PDCD10: variants seen among roughly 807,000 people sequenced by gnomAD.
The protein encoded by PDCD10 is programmed cell death protein 10.
A neutral mutation model predicts 29.2 loss-of-function variants in PDCD10; 4 were observed. That is an observed-to-expected ratio of 0.14 (90% CI 0.07 to 0.31). PDCD10 has a LOEUF of 0.31. Among genes scored for constraint, PDCD10 ranks in the 10% least tolerant of loss-of-function variants. The pLI is 1.00. For missense variants in PDCD10, 183 were observed against 257.9 expected (o/e 0.71, Z 1.99); for synonymous variants, 70 against 82.2 (o/e 0.85, Z 0.80).
chr3:167,690,764 T>C (rs1376189657), intron 6 of PDCD10, among the ~76,000 whole-genome samples: 1 of 152,236 alleles, frequency 6.6e-6, no homozygotes, highest in Non-Finnish European at 1.5e-5. Context: ...TGCTAGGTTC[T>C]GTGCTAGGCA....
rs1239547689 is a variant in PDCD10 at position 167,695,682 on chromosome 3, T to C, written c.309A>G (p.Leu103=). The C allele has an allele frequency of 1.9e-6, 3 of 1,613,544 alleles. No individual in the cohort carries two copies. In the African/African-American group the frequency reaches 4.0e-5, roughly 22 times the overall value. Residue 103 remains leucine (L), a synonymous_variant, in exon 6 of 9, where the codon CTA becomes CTG. Transcript: ENST00000392750. ...IERPEPEFQD[L]NEKARALKQI... Reference sequence around the variant, plus strand: ...GTTTAAGTGCTCGTGCCTTTTCGTTTAGGTCTTGGAATTCTGGCTCTGGTC... The same window carrying C: ...GTTTAAGTGCTCGTGCCTTTTCGTTCAGGTCTTGGAATTCTGGCTCTGGTC...
At chr3:167,726,263 C>T (rs35582977) in intron 2 of PDCD10, among the ~76,000 whole-genome samples, 503 of 151,742 alleles carry the variant, frequency 3.3e-3, no homozygotes, top group South Asian at 6.3e-3. Flanking sequence ...CCACGCCTGG[C>T]TATTTTGTAT....
chr3:167,688,309 C>G (rs1054870069), intron 6 of PDCD10, among the ~76,000 whole-genome samples: 1 of 152,160 alleles, frequency 6.6e-6, no homozygotes, highest in Admixed American at 6.5e-5. Context: ...CAAATATCCT[C>G]CTCTTTCAAA....
chr3:167,689,105 G>C (rs926964714), intron 6 of PDCD10, among the ~76,000 whole-genome samples: 4 of 152,116 alleles, frequency 2.6e-5, no homozygotes, highest in Non-Finnish European at 4.4e-5. Context: ...TATTCAAGTA[G>C]GACAGTAAGT....
chr3:167,703,056 G>A (rs1353611787), intron 4 of PDCD10, among the ~76,000 whole-genome samples: 1 of 152,114 alleles, frequency 6.6e-6, no homozygotes, highest in Non-Finnish European at 1.5e-5. Flanking sequence ...TTTTATGAAT[G>A]TCATTGAAGA....
chr3:167,684,979 G>C (rs1252760024), intron 8 of PDCD10, among the ~76,000 whole-genome samples: 1 of 150,686 alleles, frequency 6.6e-6, no homozygotes, highest in Non-Finnish European at 1.5e-5. Flanking sequence ...AACTGGCTTT[G>C]AGCCCCACCA....
chr3:167,731,534 G>T (rs191138343), intron 2 of PDCD10, among the ~76,000 whole-genome samples: 2 of 152,100 alleles, frequency 1.3e-5, no homozygotes, highest in Admixed American at 1.3e-4. Flanking sequence ...AAGCATATCC[G>T]CTTTATTCAT....
At chr3:167,697,925 T>C (rs1008130132) in intron 4 of PDCD10, 1 of 456,698 alleles carries the variant, frequency 2.2e-6, no homozygotes, top group East Asian at 6.9e-5. Flanking sequence ...TTGTTTCCTG[T>C]AGGATGCCTG....
At chr3:167,710,235 T>G (rs935172006) in intron 3 of PDCD10, among the ~76,000 whole-genome samples, 2 of 151,754 alleles carry the variant, frequency 1.3e-5, no homozygotes, top group East Asian at 1.9e-4. Flanking sequence ...TTGTCTTACA[T>G]CTTAGGTACC....
At chr3:167,709,824 C>T (rs1298882804) in intron 3 of PDCD10, among the ~76,000 whole-genome samples, 2 of 152,058 alleles carry the variant, frequency 1.3e-5, no homozygotes, top group South Asian at 4.1e-4. Flanking sequence ...GAGACTCCTT[C>T]CTTCTGCTTC....
Position 167,687,713 on chromosome 3 carries a change from G to C in PDCD10, c.396-20C>G. 7.8e-7 allele frequency: 1 copy of C among 1,285,460 alleles called. No homozygotes were observed. The highest frequency in any genetic ancestry group is 1.1e-6 in the Non-Finnish European group (1 of 880,994). The allele number at this position is 1,285,460 out of a possible 1,614,324, so 79.6% of individuals were successfully genotyped here. ...ATATCCCTGTTGGGAAAAGAATAAAGAATATCAGCTACATTTGAAAGAAAT... is the reference window on the plus strand; with the variant it reads ...ATATCCCTGTTGGGAAAAGAATAAACAATATCAGCTACATTTGAAAGAAAT... On this transcript the variant is annotated intron_variant, in intron 6 of 8. Transcript: ENST00000392750.
intron 4 of PDCD10, among the ~76,000 whole-genome samples, chr3:167,699,242 G>C (rs965510948): frequency 1.3e-5 from 2 of 152,078 alleles, no homozygotes; most frequent in African/African-American, 4.8e-5. Context: ...TGGCCAAAAA[G>C]TCCAGCTTCT....
At chr3:167,732,870 C>T (rs1481277141) in intron 2 of PDCD10, among the ~76,000 whole-genome samples, 1 of 152,206 alleles carries the variant, frequency 6.6e-6, no homozygotes, top group Non-Finnish European at 1.5e-5. Context: ...CTACTTACAT[C>T]ACTGCACCTT....
At chr3:167,697,257 GC>G (rs1720911242) in intron 4 of PDCD10, 131 bp from the exon 5 acceptor site, 1 of 644,068 alleles carries the variant, frequency 1.6e-6, no homozygotes, top group Non-Finnish European at 2.8e-6. Context: ...TCTTTGTAAA[GC>G]AGGTGTCATG....
In PDCD10 at chr3:167,734,232, G is replaced by A. The variant is rs1312596361; in HGVS notation, c.-135C>T. ...AACATACCTTAGGTATGACACCTAA[G>A]AGGGTCAAGTCTTTCTGTTTAAGGC... On this transcript the variant is annotated 5_prime_UTR_variant, in exon 2 of 9. Coordinates refer to ENST00000392750, the MANE Select transcript of PDCD10 (RefSeq NM_007217.4). 6.6e-6 allele frequency: 1 copy of A among 152,192 alleles called. No individual in the cohort carries two copies. The highest frequency in any genetic ancestry group is 1.5e-5 in the Non-Finnish European group (1 of 68,050). The allele number at this position is 152,192 out of a possible 1,614,324, so 9.4% of individuals were successfully genotyped here. A position where few individuals can be genotyped will look rare whatever the true frequency, so the allele number is the denominator to read the frequency against.
At chr3:167,717,328 C>T (rs557236261) in intron 3 of PDCD10, among the ~76,000 whole-genome samples, 4 of 152,040 alleles carry the variant, frequency 2.6e-5, no homozygotes, top group East Asian at 1.9e-4. Context: ...ATGGATCTAA[C>T]GTTAAGGTGA....
intron 2 of PDCD10, among the ~76,000 whole-genome samples, chr3:167,727,976 T>C (rs1212001885): frequency 6.6e-6 from 1 of 152,238 alleles, no homozygotes. Context: ...TGATGACATT[T>C]AACTTTACCT....
intron 2 of PDCD10, among the ~76,000 whole-genome samples, chr3:167,728,376 T>C (rs1724438375): frequency 6.6e-6 from 1 of 152,178 alleles, no homozygotes; most frequent in Admixed American, 6.5e-5. Context: ...TCTGTTGTAG[T>C]AACCTTATAT....
rs1206286440 is a variant in PDCD10, at chr3:167,683,808, G to A, written c.*500C>T. The A allele has an allele frequency of 4.1e-5, 6 of 147,566 alleles. No homozygotes were observed. In the South Asian group the frequency reaches 6.4e-4, roughly 16 times the overall value. The allele number at this position is 147,566 out of a possible 1,614,324, so 9.1% of individuals were successfully genotyped here. Reference sequence around the variant, plus strand: ...ATAAGCTCCCATTAGAAGTTTTTTAGACATTACACCAAGTTGTCTTGGTCT... The same window carrying A: ...ATAAGCTCCCATTAGAAGTTTTTTAAACATTACACCAAGTTGTCTTGGTCT... On this transcript the variant is annotated 3_prime_UTR_variant, in exon 9 of 9. Transcript: ENST00000392750.
Sources: allele counts gnomAD v4.1 joint callset (sites outside exome capture counted in the v4.1 genomes callset), GRCh38; gene constraint gnomAD v4.1.1; transcripts MANE v1.5; gene names NCBI Gene and HGNC (gene_info 2026-07-23, HGNC 2026-07-21).